Variants in ULK4 observed in about 807,000 individuals in gnomAD.
ULK4 encodes the protein inactive serine/threonine-protein kinase ULK4.
In ULK4, 133 loss-of-function variants were observed where a neutral mutation model predicts 160.6. The observed-to-expected ratio is 0.83, with a 90% CI of 0.72 to 0.96. ULK4 has a LOEUF of 0.96. Among genes scored for constraint, ULK4 ranks in the 40% least tolerant of loss-of-function variants. The pLI is 0.00. For synonymous variants in ULK4, 534 were observed against 539.8 expected (o/e 0.99, Z 0.15); for missense variants, 1,580 against 1,499.5 (o/e 1.05, Z -0.89).
chr3:41,851,305 A>C (rs2042207104), intron 17 of ULK4, among the ~76,000 whole-genome samples: 1 of 150,152 alleles, frequency 6.7e-6, no homozygotes, highest in South Asian at 2.1e-4. Flanking sequence ...GAATTTTGTC[A>C]AAGGCCTTTT....
intron 2 of ULK4, among the ~76,000 whole-genome samples, chr3:41,947,014 T>C (rs1700131284): frequency 6.6e-6 from 1 of 152,138 alleles, no homozygotes; most frequent in Admixed American, 6.6e-5. Context: ...TGTTACATTA[T>C]CCAGCAGTGT....
chr3:41,657,818 T>TA lies in ULK4; in HGVS notation c.3071+5788dup, dbSNP rs60281588. Among the ~76,000 whole-genome samples the TA allele has an allele frequency of 2.3e-3, 228 of 99,714 alleles. 19 individuals are homozygous for TA. Among genetic ancestry groups the TA allele is most frequent in the African/African-American group, 8.7e-3 (130 of 14,978 alleles). 65.4% of individuals were successfully genotyped at this position (99,714 alleles called of 152,430 possible). A position where few individuals can be genotyped will look rare whatever the true frequency, so the allele number is the denominator to read the frequency against. ...GTGACAAAGCGAGACTCCATCTCATTAAAAAAAAAAAAAAAAACACACACC... is the reference window on the plus strand; with the variant it reads ...GTGACAAAGCGAGACTCCATCTCATTAAAAAAAAAAAAAAAAAACACACACC... On this transcript the variant is annotated intron_variant, in intron 30 of 36. Coordinates refer to ENST00000301831, the MANE Select transcript of ULK4 (RefSeq NM_017886.4).
intron 31 of ULK4, among the ~76,000 whole-genome samples, chr3:41,603,781 A>G (rs747666402): frequency 2.6e-5 from 4 of 152,180 alleles, no homozygotes; most frequent in African/African-American, 7.2e-5. Context: ...TTGTGAAAGT[A>G]TAAGTATTTC....
intron 21 of ULK4, among the ~76,000 whole-genome samples, chr3:41,783,443 A>G (rs189226082): frequency 6.6e-6 from 1 of 152,038 alleles, no homozygotes; most frequent in Non-Finnish European, 1.5e-5. Context: ...AGGCTGAGAC[A>G]TAAGAATTGC....
At chr3:41,664,254 T>TCA (rs1423033709) in intron 29 of ULK4, among the ~76,000 whole-genome samples, 7 of 152,160 alleles carry the variant, frequency 4.6e-5, no homozygotes, top group South Asian at 2.1e-4. Flanking sequence ...AAGAACACCC[T>TCA]CACATTCAGA....
chr3:41,289,814 T>C (rs1237166988), intron 35 of ULK4, among the ~76,000 whole-genome samples: 1 of 41,480 alleles, frequency 2.4e-5, no homozygotes, highest in Non-Finnish European at 4.4e-5. Flanking sequence ...AACTTATGTA[T>C]GTATGTATGT....
chr3:41,506,792 A>ATATC, intron 32 of ULK4, among the ~76,000 whole-genome samples: 1 of 91,924 alleles, frequency 1.1e-5, no homozygotes, highest in African/African-American at 3.7e-5. Context: ...ATATATATAT[A>ATATC]TATATATATA....
intron 32 of ULK4, 105 bp from the exon 33 acceptor site, chr3:41,463,358 A>G (rs2083742759): frequency 8.9e-7 from 1 of 1,118,274 alleles, no homozygotes; most frequent in Admixed American, 2.4e-5. Context: ...ATAAACCCTA[A>G]GCAATACTTA....
chr3:41,651,445 C>T (rs1487339572), intron 30 of ULK4, among the ~76,000 whole-genome samples: 2 of 152,254 alleles, frequency 1.3e-5, no homozygotes, highest in East Asian at 3.9e-4. Flanking sequence ...AAGTTGATTT[C>T]CTTGTTTATT....
At chr3:41,784,603 G>A (rs1268791302) in intron 21 of ULK4, among the ~76,000 whole-genome samples, 1 of 152,142 alleles carries the variant, frequency 6.6e-6, no homozygotes, top group African/African-American at 2.4e-5. Context: ...CTTCTATTAA[G>A]GACATCTATG....
chr3:41,289,573 C>T (rs1045117082), intron 35 of ULK4, among the ~76,000 whole-genome samples: 1 of 152,276 alleles, frequency 6.6e-6, no homozygotes, highest in Non-Finnish European at 1.5e-5. Context: ...ACCTTTCACA[C>T]AATAAAAGCC....
At chr3:41,954,887 ATT>A in intron 1 of ULK4, 80 bp from the exon 2 acceptor site, 1 of 870,978 alleles carries the variant, frequency 1.1e-6, no homozygotes, top group South Asian at 2.3e-5. Context: ...AGCCTAGGAT[ATT>A]ATATGTGTAA....
At chr3:41,794,001 TAG>T (rs998434659) in intron 20 of ULK4, among the ~76,000 whole-genome samples, 42 of 152,306 alleles carry the variant, frequency 2.8e-4, no homozygotes, top group African/African-American at 1.0e-3. Flanking sequence ...CATGTTAAAA[TAG>T]AGATTACTGG....
intron 18 of ULK4, 70 bp from the exon 19 acceptor site, chr3:41,819,576 A>C: frequency 1.5e-6 from 2 of 1,326,518 alleles, no homozygotes; most frequent in Non-Finnish European, 2.1e-6. Context: ...ATTCAAGCAA[A>C]TGGCACAGCT....
chr3:41,449,374 G>T (rs1390068047), intron 34 of ULK4, among the ~76,000 whole-genome samples: 2 of 152,140 alleles, frequency 1.3e-5, no homozygotes, highest in Non-Finnish European at 2.9e-5. Context: ...TAACCCTGTT[G>T]AATCTGAGGT....
intron 4 of ULK4, among the ~76,000 whole-genome samples, chr3:41,935,250 C>G (rs1220867165): frequency 8.7e-6 from 1 of 115,052 alleles, no homozygotes; most frequent in African/African-American, 4.4e-5. Flanking sequence ...TTTTTTGAGA[C>G]GGAGTCTTGC....
intron 32 of ULK4, 60 bp from the exon 33 acceptor site, chr3:41,463,313 G>A: frequency 7.2e-6 from 11 of 1,521,188 alleles, no homozygotes; most frequent in Admixed American, 1.9e-5. Flanking sequence ...TGTGTCATAT[G>A]AACCAAAAAG....
At chr3:41,640,430 T>C (rs1283361036) in intron 30 of ULK4, among the ~76,000 whole-genome samples, 2 of 152,178 alleles carry the variant, frequency 1.3e-5, no homozygotes, top group Non-Finnish European at 2.9e-5. Flanking sequence ...GTTTTCACAA[T>C]GCTTTCATGC....
intron 21 of ULK4, among the ~76,000 whole-genome samples, chr3:41,771,439 T>G (rs2039369689): frequency 6.6e-6 from 1 of 152,132 alleles, no homozygotes; most frequent in Non-Finnish European, 1.5e-5. Context: ...ATGGCAAAAC[T>G]CAGTAAATGT....
Sources: gnomAD v4.1 joint callset for allele counts (sites outside exome capture counted in the v4.1 genomes callset) on GRCh38, gnomAD v4.1.1 for gene constraint, MANE v1.5 for transcripts, NCBI Gene and HGNC (gene_info 2026-07-23, HGNC 2026-07-21) for gene names.